The following CLVS1 variants were observed in gnomAD, a reference collection of about 807,000 sequenced individuals.
CLVS1 encodes clavesin-1.
In CLVS1, 10 loss-of-function variants were observed where a neutral mutation model predicts 33.1. The observed-to-expected ratio is 0.30, with a 90% CI of 0.19 to 0.51. The LOEUF is 0.51. CLVS1 is among the 20% of genes least tolerant of loss of function. CLVS1 has a pLI of 0.97. For missense variants in CLVS1, 343 were observed against 433.4 expected, an observed-to-expected ratio of 0.79 and a Z score of 1.85; for synonymous variants, 163 against 166.1, an observed-to-expected ratio of 0.98 and a Z score of 0.14.
At chr8:61,032,260 G>A in the CLVS1 span, among the ~76,000 whole-genome samples, 1 of 152,202 alleles carries the variant, frequency 6.6e-6, no homozygotes, top group South Asian at 2.1e-4. Context: ...AAGGGGCCTG[G>A]GGCTTCAGAG....
chr8:61,141,928 C>G (rs769967220), intron 2 of CLVS1, among the ~76,000 whole-genome samples: 6 of 152,176 alleles, frequency 3.9e-5, no homozygotes, highest in African/African-American at 2.4e-5. Context: ...CTGAAATACT[C>G]CAGATTTGTA....
At chr8:61,491,314 C>T (rs753471328) in intron 5 of CLVS1, among the ~76,000 whole-genome samples, 1 of 152,164 alleles carries the variant, frequency 6.6e-6, no homozygotes, top group African/African-American at 2.4e-5. Context: ...GTGTGAACTG[C>T]TTCATACTGG....
intron 2 of CLVS1, among the ~76,000 whole-genome samples, chr8:61,332,402 C>A (rs1027283894): frequency 1.3e-5 from 2 of 152,160 alleles, no homozygotes; most frequent in African/African-American, 2.4e-5. Context: ...AGGGACTCTA[C>A]CTCCTGGGCA....
rs185912328 is a variant in CLVS1, at chr8:61,376,486, G to A, written c.456-119G>A. On this transcript the variant is annotated intron_variant, in intron 2 of 5. Coordinates refer to ENST00000325897, the MANE Select transcript of CLVS1 (RefSeq NM_173519.3). ...CAGTCCCTTTGGGTACAGGACGCCA[G>A]TGTGACCCTCCAGGCGGGGTTCATG... 7.4e-4 allele frequency: 634 copies of A among 861,348 alleles called. 3 individuals are homozygous for A. The African/African-American group carries it at 8.5e-3, about 12-fold the overall frequency. 53.4% of individuals were successfully genotyped at this position (861,348 alleles called of 1,614,324 possible).
chr8:61,341,162 C>T (rs777977844), intron 2 of CLVS1, among the ~76,000 whole-genome samples: 4 of 152,090 alleles, frequency 2.6e-5, no homozygotes, highest in Non-Finnish European at 4.4e-5. Flanking sequence ...TTTTTGGCTT[C>T]GTGATCATTT....
intron 2 of CLVS1, among the ~76,000 whole-genome samples, chr8:61,227,407 A>G (rs1347846285): frequency 1.3e-5 from 2 of 151,812 alleles, no homozygotes; most frequent in African/African-American, 2.4e-5. Context: ...CCTTTGATGT[A>G]CCCTGAGCTG....
chr8:61,220,758 C>T (rs13138249), intron 2 of CLVS1, among the ~76,000 whole-genome samples: 1 of 152,036 alleles, frequency 6.6e-6, no homozygotes, highest in Admixed American at 6.5e-5. Flanking sequence ...GGCAGTATGG[C>T]CATTTTCATG....
chr8:61,181,893 G>A (rs1807242694), intron 2 of CLVS1, among the ~76,000 whole-genome samples: 1 of 151,702 alleles, frequency 6.6e-6, no homozygotes. Flanking sequence ...AGTAGAGATG[G>A]GGTTTCACTG....
chr8:61,193,425 A>G (rs1807536878), intron 2 of CLVS1, among the ~76,000 whole-genome samples: 1 of 151,970 alleles, frequency 6.6e-6, no homozygotes, highest in Non-Finnish European at 1.5e-5. Context: ...TGTAAATGAC[A>G]AGTTAATGGG....
At chr8:61,494,299 A>G (rs940063665) in intron 5 of CLVS1, among the ~76,000 whole-genome samples, 12 of 152,094 alleles carry the variant, frequency 7.9e-5, no homozygotes, top group African/African-American at 2.9e-4. Flanking sequence ...AGGGTAGAAT[A>G]AAGGAGGGTG....
At chr8:61,370,685 G>C (rs1055483247) in intron 2 of CLVS1, 1 of 152,146 alleles carries the variant, frequency 6.6e-6, no homozygotes, top group Non-Finnish European at 1.5e-5. Flanking sequence ...CACGCGCCCG[G>C]CCACTGTATC....
intron 1 of CLVS1, among the ~76,000 whole-genome samples, chr8:61,128,784 T>G (rs911450629): frequency 6.6e-6 from 1 of 152,234 alleles, no homozygotes; most frequent in African/African-American, 2.4e-5. Flanking sequence ...TGTTGCTGGT[T>G]TAGACACTTC....
chr8:61,023,754 G>A, the CLVS1 span, among the ~76,000 whole-genome samples: 1 of 152,280 alleles, frequency 6.6e-6, no homozygotes, highest in East Asian at 1.9e-4. Context: ...AGAGGCCCAG[G>A]GAGCCAGGAC....
chr8:61,244,438 A>G (rs1293275070), intron 2 of CLVS1, among the ~76,000 whole-genome samples: 3 of 152,170 alleles, frequency 2.0e-5, no homozygotes, highest in African/African-American at 7.2e-5. Flanking sequence ...TACATTCAAA[A>G]CAATATGTTT....
intron 1 of CLVS1, among the ~76,000 whole-genome samples, chr8:61,078,295 G>A (rs952086191): frequency 2.0e-5 from 3 of 152,236 alleles, no homozygotes; most frequent in Admixed American, 6.5e-5. Flanking sequence ...TGTGTGATGT[G>A]ACGAGGGCCA....
At chr8:61,279,940 A>G (rs1438534251) in intron 2 of CLVS1, among the ~76,000 whole-genome samples, 1 of 152,218 alleles carries the variant, frequency 6.6e-6, no homozygotes, top group Non-Finnish European at 1.5e-5. Context: ...ATGGAGGTAT[A>G]AAATTACATG....
At chr8:61,305,985 G>T (rs1384589771) in intron 2 of CLVS1, among the ~76,000 whole-genome samples, 1 of 152,148 alleles carries the variant, frequency 6.6e-6, no homozygotes, top group Non-Finnish European at 1.5e-5. Context: ...ACTGTGAATA[G>T]TGCTGCAATG....
rs1400831598 is a variant in CLVS1, at chr8:61,417,571, A to G, written c.631-36570A>G. ...TATAAAATCACTCCTCTTTTCAAAG[A>G]GCCTTCCATGGAGAAAGTAAAGACT... On this transcript the variant is annotated intron_variant, in intron 3 of 5. Transcript: ENST00000325897. Among the ~76,000 whole-genome samples the G allele has an allele frequency of 3.3e-5, 5 of 152,196 alleles. No individual in the cohort carries two copies. In the East Asian group the frequency reaches 7.7e-4, roughly 23 times the overall value.
intron 3 of CLVS1, among the ~76,000 whole-genome samples, chr8:61,443,365 G>A (rs1002186462): frequency 5.9e-5 from 9 of 152,100 alleles, no homozygotes; most frequent in African/African-American, 2.2e-4. Context: ...AAGTTTTATG[G>A]TTTTATTGCA....
Sources: gnomAD v4.1 joint callset for allele counts (sites outside exome capture counted in the v4.1 genomes callset) on GRCh38, gnomAD v4.1.1 for gene constraint, MANE v1.5 for transcripts, NCBI Gene and HGNC (gene_info 2026-07-23, HGNC 2026-07-21) for gene names.